FOXP1: variants seen among roughly 807,000 people sequenced by gnomAD.
The protein encoded by FOXP1 is forkhead box P1.
FOXP1 carries 15 observed loss-of-function variants against 98.2 expected under a neutral mutation model. That is an observed-to-expected ratio of 0.15 (90% CI 0.10 to 0.24). The LOEUF (loss-of-function observed/expected upper bound fraction) is 0.24, where lower values mean the gene tolerates loss of function less well. Among genes scored for constraint, FOXP1 ranks in the 10% least tolerant of loss-of-function variants. The pLI is 1.00. For synonymous variants in FOXP1, 371 were observed against 314.5 expected, an observed-to-expected ratio of 1.18 and a Z score of -1.90; for missense variants, 633 against 848.5, an observed-to-expected ratio of 0.75 and a Z score of 3.15.
chr3:71,024,944 C>T (rs748218317), intron 11 of FOXP1, among the ~76,000 whole-genome samples: 2 of 152,162 alleles, frequency 1.3e-5, no homozygotes, highest in Non-Finnish European at 2.9e-5. Context: ...GTCCTCAGGG[C>T]ATGGCTCATG....
intron 3 of FOXP1, among the ~76,000 whole-genome samples, chr3:71,423,580 A>C (rs377442617): frequency 1.3e-5 from 2 of 152,236 alleles, no homozygotes; most frequent in African/African-American, 4.8e-5. Context: ...ACATGGTTCT[A>C]CCAGGGGTAC....
chr3:71,380,430 G>A (rs147650224), intron 3 of FOXP1, among the ~76,000 whole-genome samples: 1,538 of 152,348 alleles, frequency 0.01, 25 homozygotes, highest in African/African-American at 0.035. Flanking sequence ...AAGAGGCTCA[G>A]CATGAGCCTA....
chr3:71,097,319 A>G (rs2056555432), intron 7 of FOXP1, among the ~76,000 whole-genome samples: 1 of 152,236 alleles, frequency 6.6e-6, no homozygotes, highest in African/African-American at 2.4e-5. Context: ...TTATTGGAAT[A>G]CAGCCATGCT....
chr3:71,390,182 C>T (rs531301304), intron 3 of FOXP1, among the ~76,000 whole-genome samples: 6 of 152,208 alleles, frequency 3.9e-5, no homozygotes, highest in South Asian at 2.1e-4. Context: ...AGGAAAACAA[C>T]GCAATGCCTT....
At position 70,955,035 on chromosome 3, in the gene FOXP1, A is replaced by G. The variant is rs1270293882; in HGVS notation, c.*4212T>C. The G allele has an allele frequency of 4.3e-6, 1 of 231,930 alleles. No homozygotes were observed. The highest frequency in any genetic ancestry group is 5.6e-5 in the Admixed American group (1 of 17,732). The allele number at this position is 231,930 out of a possible 1,614,324, so 14.4% of individuals were successfully genotyped here. A position where few individuals can be genotyped will look rare whatever the true frequency, so the allele number is the denominator to read the frequency against. On this transcript the variant is annotated 3_prime_UTR_variant, in exon 21 of 21. Transcript: ENST00000649528. ...CCAAGAAATGCCTTCAGCATTGTAA[A>G]TCTGATTTTCAGGATAAAGAAGCAA...
At chr3:71,023,521 A>ATT (rs932290263) in intron 11 of FOXP1, among the ~76,000 whole-genome samples, 1 of 152,200 alleles carries the variant, frequency 6.6e-6, no homozygotes, top group African/African-American at 2.4e-5. Context: ...AGCCACTACT[A>ATT]TTTTAAAGCT....
At chr3:71,180,293 C>T (rs1406580855) in intron 6 of FOXP1, among the ~76,000 whole-genome samples, 1 of 150,616 alleles carries the variant, frequency 6.6e-6, no homozygotes, top group Non-Finnish European at 1.5e-5. Context: ...AGAGACTCAC[C>T]AGGTAACAGC....
intron 7 of FOXP1, among the ~76,000 whole-genome samples, chr3:71,085,317 A>C (rs901531219): frequency 2.6e-5 from 4 of 152,002 alleles, no homozygotes; most frequent in Admixed American, 2.6e-4. Flanking sequence ...TAATTTAAAA[A>C]AAAATTTTTT....
intron 11 of FOXP1, among the ~76,000 whole-genome samples, chr3:71,026,312 T>C (rs997911599): frequency 6.6e-6 from 1 of 152,058 alleles, no homozygotes; most frequent in Non-Finnish European, 1.5e-5. Flanking sequence ...CTCACAACAA[T>C]GGGGCGCATA....
At chr3:71,207,537 C>T (rs1275947102) in intron 5 of FOXP1, among the ~76,000 whole-genome samples, 1 of 152,134 alleles carries the variant, frequency 6.6e-6, no homozygotes, top group Non-Finnish European at 1.5e-5. Flanking sequence ...GTATTTTCCC[C>T]CCTGAAACTT....
intron 5 of FOXP1, among the ~76,000 whole-genome samples, chr3:71,254,126 T>G (rs1476144882): frequency 2.0e-5 from 3 of 152,236 alleles, no homozygotes; most frequent in African/African-American, 7.2e-5. Context: ...TTAAAATTTC[T>G]AAACATTTAA....
intron 6 of FOXP1, among the ~76,000 whole-genome samples, chr3:71,119,997 G>C (rs1279888390): frequency 6.6e-6 from 1 of 152,186 alleles, no homozygotes; most frequent in Non-Finnish European, 1.5e-5. Flanking sequence ...GAAAATATTA[G>C]ATGTTCAAAG....
rs529224964 is a variant in FOXP1, at chr3:71,133,108, G to A, written c.181-20471C>T. ...CACAGAAAGGTTTGCCGTGAAAAGC[G>A]AAATGCAAATTCCCTTATACATTAT... On this transcript the variant is annotated intron_variant, in intron 6 of 20. Coordinates refer to ENST00000649528, the MANE Select transcript of FOXP1 (RefSeq NM_001349338.3). Among the ~76,000 whole-genome samples, 4 of 152,238 alleles carry A rather than the reference G, an allele frequency of 2.6e-5. No individual in the cohort carries two copies. In the South Asian group the frequency reaches 6.2e-4, roughly 24 times the overall value.
chr3:71,099,123 T>C, intron 7 of FOXP1, among the ~76,000 whole-genome samples: 1 of 152,182 alleles, frequency 6.6e-6, no homozygotes, highest in East Asian at 1.9e-4. Context: ...AAAACGATGG[T>C]CCACATTACA....
intron 6 of FOXP1, among the ~76,000 whole-genome samples, chr3:71,190,793 T>G (rs1197215612): frequency 1.3e-5 from 2 of 152,188 alleles, no homozygotes; most frequent in African/African-American, 4.8e-5. Context: ...CATGACATTT[T>G]CTTGTCGGCA....
In FOXP1 at chr3:70,965,892, G is replaced by A. The variant is rs766116383; in HGVS notation, c.1887C>T (p.Ala629=). Residue 629 remains alanine, a splice_region_variant and synonymous_variant, in exon 20 of 21, where the codon GCC becomes GCT. Coordinates refer to ENST00000649528, the MANE Select transcript of FOXP1 (RefSeq NM_001349338.3). ...DSSPGRSPMQ[A]VHPVHVKEEP... ...CCTGTTGGGTGGACAATACTCACACGGCTTGCATAGGAGATCTGCCTGGAC... is the reference window on the plus strand; with the variant it reads ...CCTGTTGGGTGGACAATACTCACACAGCTTGCATAGGAGATCTGCCTGGAC... 3.3e-5 allele frequency: 54 copies of A among 1,613,798 alleles called. No homozygotes were observed. In the East Asian group the frequency reaches 9.1e-4, roughly 27 times the overall value.
intron 6 of FOXP1, among the ~76,000 whole-genome samples, chr3:71,179,111 G>A (rs1385953641): frequency 1.4e-5 from 2 of 146,268 alleles, no homozygotes; most frequent in Non-Finnish European, 3.0e-5. Flanking sequence ...ATTTTACCAT[G>A]TTGGAAGTTT....
intron 7 of FOXP1, among the ~76,000 whole-genome samples, chr3:71,088,390 T>C (rs2055379661): frequency 7.1e-6 from 1 of 140,396 alleles, no homozygotes; most frequent in Non-Finnish European, 1.6e-5. Context: ...GATACATTGT[T>C]TTGTTTTTTG....
chr3:71,566,684 C>T (rs887922185), intron 2 of FOXP1, among the ~76,000 whole-genome samples: 1 of 152,112 alleles, frequency 6.6e-6, no homozygotes, highest in Non-Finnish European at 1.5e-5. Flanking sequence ...TTATTATGTA[C>T]CAGACCCATG....
Sources: gnomAD v4.1 joint callset for allele counts (sites outside exome capture counted in the v4.1 genomes callset) on GRCh38, gnomAD v4.1.1 for gene constraint, MANE v1.5 for transcripts, NCBI Gene and HGNC (gene_info 2026-07-23, HGNC 2026-07-21) for gene names.